The following GALNTL6 variants were observed in gnomAD, a reference collection of about 807,000 sequenced individuals.
GALNTL6 encodes polypeptide N-acetylgalactosaminyltransferase-like 6.
In GALNTL6, 46 loss-of-function variants were observed where a neutral mutation model predicts 73.7. The ratio of observed to expected loss-of-function variants is 0.62; its 90% confidence interval spans 0.49 to 0.80. The LOEUF is 0.80. Among genes scored for constraint, GALNTL6 ranks in the 30% least tolerant of loss-of-function variants. The pLI, the probability that GALNTL6 is intolerant of heterozygous loss-of-function variation, is 0.00. For missense variants in GALNTL6, 604 were observed against 755.0 expected (o/e 0.80, Z 2.34); for synonymous variants, 259 against 263.7 (o/e 0.98, Z 0.17).
At chr4:172,135,272 A>C (rs1303144828) in intron 2 of GALNTL6, among the ~76,000 whole-genome samples, 1 of 152,172 alleles carries the variant, frequency 6.6e-6, no homozygotes, top group Non-Finnish European at 1.5e-5. Context: ...TTGAAAATTA[A>C]ATAAATTAAT....
rs1428306625 is a variant in GALNTL6, at chr4:171,945,302, G to A, written c.138+130584G>A. Among the ~76,000 whole-genome samples, 5 of 152,148 alleles carry A rather than the reference G, an allele frequency of 3.3e-5. No homozygotes were observed. In the East Asian group the frequency reaches 5.8e-4, roughly 18 times the overall value. ...ATGACTCTTGGGTGTGCACTCAAGC[G>A]TTCATATGTCCATTAATAGCTACTT... is the stretch of plus-strand genomic sequence containing the variant. On this transcript the variant is annotated intron_variant, in intron 2 of 12. Transcript: ENST00000506823.
At chr4:172,519,348 G>T (rs1734704532) in intron 5 of GALNTL6, among the ~76,000 whole-genome samples, 1 of 149,842 alleles carries the variant, frequency 6.7e-6, no homozygotes, top group Admixed American at 6.7e-5. Flanking sequence ...AAAGCAACAG[G>T]GCTCAAAACA....
At chr4:172,581,320 T>A (rs915082157) in intron 5 of GALNTL6, among the ~76,000 whole-genome samples, 1 of 152,204 alleles carries the variant, frequency 6.6e-6, no homozygotes, top group Non-Finnish European at 1.5e-5. Context: ...TGGAGTCATT[T>A]TGGCACCTTC....
chr4:172,408,742 T>C (rs1162589283), intron 5 of GALNTL6, among the ~76,000 whole-genome samples: 2 of 152,024 alleles, frequency 1.3e-5, no homozygotes, highest in East Asian at 3.9e-4. Context: ...TAGTAGAAAC[T>C]GTGGGTGGAA....
chr4:172,501,664 G>A (rs1003639400), intron 5 of GALNTL6, among the ~76,000 whole-genome samples: 2 of 152,066 alleles, frequency 1.3e-5, no homozygotes, highest in African/African-American at 4.8e-5. Flanking sequence ...CTAAATGAGA[G>A]ACCACAATAT....
chr4:171,927,414 T>C (rs1053579704), intron 2 of GALNTL6, among the ~76,000 whole-genome samples: 1 of 152,130 alleles, frequency 6.6e-6, no homozygotes, highest in Non-Finnish European at 1.5e-5. Flanking sequence ...AGTCTATGAT[T>C]AAAAATACTA....
chr4:172,526,308 A>G (rs545185455), intron 5 of GALNTL6, among the ~76,000 whole-genome samples: 7 of 152,312 alleles, frequency 4.6e-5, no homozygotes, highest in Non-Finnish European at 1.0e-4. Flanking sequence ...AGCATCGCTC[A>G]CTGGAGCTTC....
chr4:172,035,215 A>C (rs778589618), intron 2 of GALNTL6, among the ~76,000 whole-genome samples: 1 of 152,140 alleles, frequency 6.6e-6, no homozygotes, highest in Non-Finnish European at 1.5e-5. Context: ...AATTTAAAAA[A>C]CATAGAAAAC....
At chr4:172,233,430 T>C (rs1464205409) in intron 3 of GALNTL6, among the ~76,000 whole-genome samples, 2 of 152,130 alleles carry the variant, frequency 1.3e-5, no homozygotes, top group Non-Finnish European at 2.9e-5. Flanking sequence ...TAGATCCACC[T>C]AGTCTTCATT....
chr4:171,839,102 T>A (rs2110839745), intron 2 of GALNTL6, among the ~76,000 whole-genome samples: 1 of 152,072 alleles, frequency 6.6e-6, no homozygotes, highest in Admixed American at 6.6e-5. Flanking sequence ...ATAACATAGG[T>A]TATAGAAAGG....
chr4:172,931,355 A>G, intron 9 of GALNTL6, 87 bp downstream of exon 9: 1 of 801,370 alleles, frequency 1.2e-6, no homozygotes, highest in East Asian at 2.4e-5. Context: ...ACAGTCTGAG[A>G]AAAGCTCTCC....
chr4:172,785,508 T>C (rs1739603271), intron 5 of GALNTL6, among the ~76,000 whole-genome samples: 1 of 152,180 alleles, frequency 6.6e-6, no homozygotes, highest in Non-Finnish European at 1.5e-5. Context: ...GGGCCTAATA[T>C]GTGTCAGGCA....
intron 4 of GALNTL6, among the ~76,000 whole-genome samples, chr4:172,313,221 G>A (rs1470463536): frequency 4.0e-5 from 6 of 150,520 alleles, no homozygotes; most frequent in African/African-American, 1.5e-4. Context: ...CGCCTCCTGG[G>A]TTCACGCCAT....
Position 172,259,423 on chromosome 4 carries a change from T to C in GALNTL6, c.247+29659T>C, listed in dbSNP as rs186851556. Among the ~76,000 whole-genome samples, 3 of 151,550 alleles carry C rather than the reference T, an allele frequency of 2.0e-5. No individual in the cohort carries two copies. In the East Asian group the frequency reaches 5.8e-4, roughly 29 times the overall value. On this transcript the variant is annotated intron_variant, in intron 3 of 12. Coordinates refer to ENST00000506823, the MANE Select transcript of GALNTL6 (RefSeq NM_001034845.3). ...TCTTCTTTAGATAATTTTCTATTCA[T>C]GTCTTTTACCCACTTTTTGATGGGA...
chr4:172,571,901 C>T (rs1194674034), intron 5 of GALNTL6, among the ~76,000 whole-genome samples: 4 of 152,200 alleles, frequency 2.6e-5, no homozygotes, highest in South Asian at 2.1e-4. Context: ...CTGGTTTTCT[C>T]ATTGTGTCTC....
intron 2 of GALNTL6, among the ~76,000 whole-genome samples, chr4:172,075,852 A>G (rs989158658): frequency 2.0e-5 from 3 of 152,178 alleles, no homozygotes; most frequent in African/African-American, 7.2e-5. Context: ...CAGACTGAGC[A>G]AGTTAATTAT....
At chr4:172,866,342 G>T (rs74343459) in intron 7 of GALNTL6, among the ~76,000 whole-genome samples, 1 of 152,176 alleles carries the variant, frequency 6.6e-6, no homozygotes. Flanking sequence ...AAGGAGCATA[G>T]GCTAGGCTTT....
rs183478615 is a variant in GALNTL6 at position 172,308,480 on chromosome 4, C to T, written c.248-3134C>T. On this transcript the variant is annotated intron_variant, in intron 3 of 12. Coordinates refer to ENST00000506823, the MANE Select transcript of GALNTL6 (RefSeq NM_001034845.3). ...TTGCTTGTGGGTTTGTCATAAATGGCTTTTATTACCTTGAGGTATGTCCCT... is the reference window on the plus strand; with the variant it reads ...TTGCTTGTGGGTTTGTCATAAATGGTTTTTATTACCTTGAGGTATGTCCCT... Among the ~76,000 whole-genome samples, 29 of 152,102 alleles carry T rather than the reference C, an allele frequency of 1.9e-4. 1 individual carries two copies. In the East Asian group the frequency reaches 4.9e-3, roughly 25 times the overall value.
chr4:172,947,061 G>T (rs184149430), intron 9 of GALNTL6, among the ~76,000 whole-genome samples: 69 of 152,236 alleles, frequency 4.5e-4, no homozygotes, highest in Non-Finnish European at 9.6e-4. Flanking sequence ...GGAAATTTTA[G>T]CCAGGGAGAA....
Sources: gnomAD v4.1 joint callset for allele counts (sites outside exome capture counted in the v4.1 genomes callset) on GRCh38, gnomAD v4.1.1 for gene constraint, MANE v1.5 for transcripts, NCBI Gene and HGNC (gene_info 2026-07-23, HGNC 2026-07-21) for gene names.